The following EFR3A variants were observed in gnomAD, a reference collection of about 807,000 sequenced individuals.
EFR3A encodes the protein protein EFR3 homolog A.
Under a neutral mutation model 104.4 loss-of-function variants are expected in EFR3A, and 76 were observed. The ratio of observed to expected loss-of-function variants is 0.73; its 90% CI spans 0.60 to 0.88. The LOEUF is 0.88. Ranked by LOEUF, EFR3A falls within the 40% of genes least tolerant of loss-of-function variation. The pLI is 0.00. For synonymous variants in EFR3A, 330 were observed against 330.0 expected (o/e 1.00, Z 0.00); for missense variants, 985 against 1,012.5 (o/e 0.97, Z 0.37).
At chr8:131,946,891 CT>C (rs1403910076) in intron 4 of EFR3A, among the ~76,000 whole-genome samples, 2 of 151,940 alleles carry the variant, frequency 1.3e-5, no homozygotes, top group Non-Finnish European at 2.9e-5. Flanking sequence ...TTCTCTTGGT[CT>C]TTTATTGCAA....
intron 8 of EFR3A, among the ~76,000 whole-genome samples, chr8:131,961,568 A>G (rs1819331779): frequency 1.3e-5 from 2 of 152,218 alleles, no homozygotes; most frequent in South Asian, 4.1e-4. Context: ...ACGTGAAAAG[A>G]CCAAATCTAC....
intron 1 of EFR3A, among the ~76,000 whole-genome samples, chr8:131,920,760 C>T (rs950688748): frequency 6.6e-6 from 1 of 151,734 alleles, no homozygotes; most frequent in African/African-American, 2.4e-5. Context: ...GGCTTAGAGG[C>T]CCTTAACGAG....
chr8:131,923,695 G>A (rs1234159603), intron 1 of EFR3A, among the ~76,000 whole-genome samples: 25 of 151,936 alleles, frequency 1.6e-4, no homozygotes, highest in African/African-American at 4.8e-5. Context: ...CAGAAGGAAC[G>A]TATCAAAATA....
At chr8:131,936,215 T>C (rs980646271) in intron 1 of EFR3A, among the ~76,000 whole-genome samples, 1 of 152,114 alleles carries the variant, frequency 6.6e-6, no homozygotes, top group Non-Finnish European at 1.5e-5. Flanking sequence ...GCTGAATCTA[T>C]ATGAGAATGA....
chr8:131,978,844 C>G lies in EFR3A; in HGVS notation c.1327-3C>G. The G allele has an allele frequency of 6.5e-7, 1 of 1,544,608 alleles. No homozygotes were observed. The highest frequency in any genetic ancestry group is 8.7e-7 in the Non-Finnish European group (1 of 1,147,348). On this transcript the variant is annotated splice_polypyrimidine_tract_variant and splice_region_variant and intron_variant, in intron 12 of 22. Transcript: ENST00000254624. The stretch of plus-strand genomic sequence containing the variant: ...GGTTGTTTGTTTTCTTCTCGATAAT[C>G]AGGTGACCTCTGGATATAAAGCGAA...
At chr8:131,989,128 T>C (rs980171162) in intron 18 of EFR3A, among the ~76,000 whole-genome samples, 6 of 152,192 alleles carry the variant, frequency 3.9e-5, no homozygotes, top group African/African-American at 1.4e-4. Flanking sequence ...GAAATCCTAC[T>C]AGATTTTTCT....
intron 18 of EFR3A, among the ~76,000 whole-genome samples, chr8:131,988,972 C>CT (rs1474844797): frequency 6.6e-6 from 1 of 152,072 alleles, no homozygotes. Context: ...AGCTCTGGTA[C>CT]TTTCAAAATT....
chr8:132,008,846 CA>C (rs55964352), intron 22 of EFR3A, among the ~76,000 whole-genome samples: 1,021 of 32,084 alleles, frequency 0.032, no homozygotes, highest in African/African-American at 0.068. Flanking sequence ...AACTCCATCT[CA>C]AAAAAAAAAA....
In EFR3A at chr8:131,916,585, G is replaced by A. The variant is rs1279075889; in HGVS notation, c.10+12263G>A. Among the ~76,000 whole-genome samples the A allele has an allele frequency of 1.1e-4, 16 of 152,144 alleles. 1 individual carries two copies. Among genetic ancestry groups the A allele is most frequent in the Admixed American group, 9.8e-4 (15 of 15,266 alleles). On this transcript the variant is annotated intron_variant, in intron 1 of 22. Coordinates refer to ENST00000254624, the MANE Select transcript of EFR3A (RefSeq NM_015137.6). ...ATTACTGAAGGATAGGTTGTATAGA[G>A]GCTAAAGAAGCTGAGGGCAAACTCT...
rs760443444 is a variant in EFR3A, at chr8:131,978,990, T to C, written c.1470T>C (p.His490=). The change falls in exon 13 of 23, where the codon CAT becomes CAC. Residue 490 remains histidine (H), a synonymous_variant. Coordinates refer to ENST00000254624, the MANE Select transcript of EFR3A (RefSeq NM_015137.6). ...TAATGCATAATCTCATGGATCGTCATGACAATAGGGCAAAGCTTCGAGGGA... is the reference window on the plus strand; with the variant it reads ...TAATGCATAATCTCATGGATCGTCACGACAATAGGGCAAAGCTTCGAGGGA... The part of the protein sequence containing the change: ...LEVMHNLMDR[H]DNRAKLRGIR... 1.2e-5 allele frequency: 20 copies of C among 1,612,422 alleles called. No individual in the cohort carries two copies. The highest frequency in any genetic ancestry group is 1.7e-5 in the Non-Finnish European group (20 of 1,179,100).
At chr8:131,915,016 T>C (rs1052832772) in intron 1 of EFR3A, among the ~76,000 whole-genome samples, 4 of 152,216 alleles carry the variant, frequency 2.6e-5, no homozygotes, top group African/African-American at 7.2e-5. Flanking sequence ...TAGTATTCCA[T>C]GGTATATATA....
chr8:131,977,667 A>G (rs952848327), intron 12 of EFR3A, among the ~76,000 whole-genome samples: 3 of 152,196 alleles, frequency 2.0e-5, no homozygotes, highest in Non-Finnish European at 2.9e-5. Flanking sequence ...CAAAATCAGT[A>G]TCTTTCAGAT....
intron 1 of EFR3A, among the ~76,000 whole-genome samples, chr8:131,923,295 T>C (rs531905947): frequency 1.3e-5 from 2 of 152,276 alleles, no homozygotes; most frequent in Admixed American, 6.5e-5. Flanking sequence ...ATGTATACTT[T>C]TTAAAATAAG....
chr8:131,938,297 C>T (rs1818007797), intron 1 of EFR3A: 1 of 397,734 alleles, frequency 2.5e-6, no homozygotes, highest in Non-Finnish European at 4.4e-6. Context: ...AAGGGAGTCA[C>T]CTACATTTCT....
chr8:131,986,920 C>T (rs184230011), intron 17 of EFR3A, among the ~76,000 whole-genome samples: 82 of 151,834 alleles, frequency 5.4e-4, no homozygotes, highest in African/African-American at 1.8e-3. Flanking sequence ...GTACAGTATC[C>T]TGTTGAAGAC....
intron 4 of EFR3A, among the ~76,000 whole-genome samples, chr8:131,947,036 T>G (rs1170397194): frequency 6.6e-6 from 1 of 152,008 alleles, no homozygotes; most frequent in Non-Finnish European, 1.5e-5. Context: ...GATGTATGTT[T>G]TTCATTCTCT....
At chr8:131,985,596 G>C (rs1041950379) in intron 16 of EFR3A, among the ~76,000 whole-genome samples, 1 of 152,178 alleles carries the variant, frequency 6.6e-6, no homozygotes, top group African/African-American at 2.4e-5. Flanking sequence ...ATCTGTAAGA[G>C]AGAACTTTAT....
chr8:131,952,404 G>C (rs1334087437), intron 5 of EFR3A, among the ~76,000 whole-genome samples: 1 of 152,078 alleles, frequency 6.6e-6, no homozygotes, highest in Non-Finnish European at 1.5e-5. Flanking sequence ...GGATGAAGCT[G>C]TGTAGCTATA....
chr8:131,992,097 G>GA (rs1397891273), intron 18 of EFR3A, among the ~76,000 whole-genome samples: 3 of 151,928 alleles, frequency 2.0e-5, no homozygotes, highest in Non-Finnish European at 4.4e-5. Flanking sequence ...AATTAACCCA[G>GA]AAATTATTTT....
Sources: gnomAD v4.1 joint callset for allele counts (sites outside exome capture counted in the v4.1 genomes callset) on GRCh38, gnomAD v4.1.1 for gene constraint, MANE v1.5 for transcripts, NCBI Gene and HGNC (gene_info 2026-07-23, HGNC 2026-07-21) for gene names.